ZBTB40: variants seen among roughly 807,000 people sequenced by gnomAD.
ZBTB40 encodes the protein zinc finger and BTB domain containing 40, also known as zinc finger and BTB domain-containing protein 40.
In ZBTB40, 60 loss-of-function variants were observed where a neutral mutation model predicts 117.5. The ratio of observed to expected loss-of-function variants is 0.51; its 90% CI spans 0.41 to 0.63. The LOEUF is 0.63. Ranked by LOEUF, ZBTB40 falls within the 30% of genes least tolerant of loss-of-function variation. ZBTB40 has a pLI of 0.00. For missense variants in ZBTB40, 1,287 were observed against 1,498.5 expected (o/e 0.86, Z 2.33); for synonymous variants, 525 against 577.1 (o/e 0.91, Z 1.29).
chr1:22,504,414 CATT>C (rs1267691587), intron 5 of ZBTB40, among the ~76,000 whole-genome samples: 2 of 152,092 alleles, frequency 1.3e-5, no homozygotes, highest in Non-Finnish European at 2.9e-5. Flanking sequence ...ACTTTTTAAA[CATT>C]ATTAAGTTTT....
intron 16 of ZBTB40, among the ~76,000 whole-genome samples, 182 bp downstream of exon 16, chr1:22,522,645 TG>T (rs1324694604): frequency 6.6e-5 from 10 of 152,230 alleles, no homozygotes; most frequent in Non-Finnish European, 1.3e-4. Context: ...CTGAAGGCCT[TG>T]GCATCAATAA....
intron 1 of ZBTB40, among the ~76,000 whole-genome samples, chr1:22,440,494 A>G (rs973070449): frequency 6.6e-6 from 1 of 152,180 alleles, no homozygotes; most frequent in Admixed American, 6.5e-5. Context: ...AAAACAAGTA[A>G]AACTTCTAAT....
chr1:22,455,373 A>C (rs1040116084), intron 1 of ZBTB40, among the ~76,000 whole-genome samples: 2 of 152,332 alleles, frequency 1.3e-5, no homozygotes, highest in African/African-American at 4.8e-5. Context: ...CATAAATGTA[A>C]GAAATTAGAA....
intron 1 of ZBTB40, among the ~76,000 whole-genome samples, chr1:22,440,525 T>G (rs946354789): frequency 6.6e-6 from 1 of 152,192 alleles, no homozygotes; most frequent in African/African-American, 2.4e-5. Flanking sequence ...ACAAAAGTGG[T>G]AAAAGTGGAG....
intron 1 of ZBTB40, among the ~76,000 whole-genome samples, chr1:22,431,809 T>TG (rs1640595189): frequency 1.3e-5 from 2 of 152,186 alleles, no homozygotes; most frequent in African/African-American, 4.8e-5. Context: ...TTAGGTTTTT[T>TG]AAAATTTGTA....
intron 16 of ZBTB40, among the ~76,000 whole-genome samples, chr1:22,523,382 T>C (rs893732981): frequency 2.0e-5 from 3 of 152,338 alleles, no homozygotes; most frequent in African/African-American, 7.2e-5. Context: ...ATTTTTATCA[T>C]GTCACTCACT....
upstream of ZBTB40, among the ~76,000 whole-genome samples, chr1:22,451,369 A>C (rs1476128693): frequency 6.6e-6 from 1 of 152,142 alleles, no homozygotes; most frequent in Non-Finnish European, 1.5e-5. Context: ...CTCCATTAGA[A>C]CTTTCCTTAG....
intron 12 of ZBTB40, among the ~76,000 whole-genome samples, chr1:22,515,794 G>T (rs1358091891): frequency 1.3e-5 from 2 of 152,188 alleles, no homozygotes; most frequent in African/African-American, 4.8e-5. Context: ...ATCTTTGGGG[G>T]CCATTATCCC....
chr1:22,501,338 T>C (rs1020868748), intron 3 of ZBTB40, among the ~76,000 whole-genome samples, 154 bp from the exon 4 acceptor site: 7 of 152,176 alleles, frequency 4.6e-5, no homozygotes, highest in African/African-American at 1.7e-4. Flanking sequence ...CAGGGCTTGT[T>C]GGAACTGCTG....
chr1:22,485,308 T>C (rs755899362), intron 1 of ZBTB40, among the ~76,000 whole-genome samples: 12 of 152,192 alleles, frequency 7.9e-5, no homozygotes, highest in Non-Finnish European at 1.8e-4. Flanking sequence ...TATTGTTGAT[T>C]CACCTACTTT....
At position 22,526,056 on chromosome 1, in the gene ZBTB40, C is replaced by T. The variant is rs890382274; in HGVS notation, c.3526-146C>T. On this transcript the variant is annotated intron_variant, in intron 17 of 17. Coordinates refer to ENST00000375647, the MANE Select transcript of ZBTB40 (RefSeq NM_014870.4). ...TCTTTTGCATCGCCAGTGGGTTAGA[C>T]TTGCCTCTTCCCATTAGGCACATGT... is the stretch of plus-strand genomic sequence containing the variant. 7.8e-6 allele frequency: 7 copies of T among 901,872 alleles called. No homozygotes were observed. The African/African-American group carries it at 9.8e-5, about 13-fold the overall frequency. 55.9% of individuals were successfully genotyped at this position (901,872 alleles called of 1,614,324 possible). A position where few individuals can be genotyped will look rare whatever the true frequency, so the allele number is the denominator to read the frequency against.
rs776117680 is a variant in ZBTB40 at position 22,522,493 on chromosome 1, C to G, written c.3298+30C>G. ...GTACCCCTGTCAGCATACTTCTAGG[C>G]TAGACTCGGGGCCTGAATCTCCCCT... On this transcript the variant is annotated intron_variant, in intron 16 of 17. Transcript: ENST00000375647. 12 of 1,609,712 alleles carry G rather than the reference C, an allele frequency of 7.5e-6. No individual in the cohort carries two copies. In the Admixed American group the frequency reaches 1.3e-4, roughly 18 times the overall value.
In ZBTB40 at chr1:22,511,875, G is replaced by C; in HGVS notation, c.2202G>C (p.Lys734Asn). ...EASASPDPAK[K>N]SFICKACDKS... ...CAGCCTCCCCAGACCCTGCCAAGAA[G>C]AGCTTCATCTGTAAGGCCTGCGACA... The change falls in exon 11 of 18, where the codon AAG becomes AAC. Residue 734 changes from lysine to asparagine, a missense_variant. Coordinates refer to ENST00000375647, the MANE Select transcript of ZBTB40 (RefSeq NM_014870.4). 1 of 1,614,216 alleles carries C rather than the reference G, an allele frequency of 6.2e-7. No individual in the cohort carries two copies. Among genetic ancestry groups the C allele is most frequent in the African/African-American group, 1.3e-5 (1 of 75,068 alleles).
chr1:22,450,411 T>C (rs948266955), upstream of ZBTB40, among the ~76,000 whole-genome samples: 1 of 152,200 alleles, frequency 6.6e-6, no homozygotes, highest in Non-Finnish European at 1.5e-5. Context: ...TTCCAGTTAC[T>C]ACAAAAGTGA....
rs113066855 is a variant in ZBTB40, at chr1:22,452,354, T to C, written c.-70+350T>C. ...CTCACTCCCCCTCCCTTCAGGTCCC[T>C]TCGCCGGGCGTCAGCGGACTATGGC... On this transcript the variant is annotated intron_variant, in intron 1 of 17. Transcript: ENST00000375647. Among the ~76,000 whole-genome samples, 698 of 152,354 alleles carry C rather than the reference T, an allele frequency of 4.6e-3. 7 individuals are homozygous for C. Among genetic ancestry groups the C allele is most frequent in the African/African-American group, 0.016 (656 of 41,588 alleles).
chr1:22,475,098 G>A (rs1569805656), intron 1 of ZBTB40, among the ~76,000 whole-genome samples: 1 of 152,162 alleles, frequency 6.6e-6, no homozygotes, highest in South Asian at 2.1e-4. Flanking sequence ...TTTCTCTCTT[G>A]GATATTGAAA....
At chr1:22,431,406 A>ATATATG (rs1208724392) in intron 1 of ZBTB40, among the ~76,000 whole-genome samples, 3 of 139,698 alleles carry the variant, frequency 2.1e-5, no homozygotes, top group Non-Finnish European at 3.0e-5. Flanking sequence ...ATATATATAT[A>ATATATG]TATGTATATA....
Position 22,526,557 on chromosome 1 carries a change from T to G in ZBTB40, c.*161T>G. 1 of 925,254 alleles carries G rather than the reference T, an allele frequency of 1.1e-6. No individual in the cohort carries two copies. The highest frequency in any genetic ancestry group is 1.7e-6 in the Non-Finnish European group (1 of 599,374). 57.3% of individuals were successfully genotyped at this position (925,254 alleles called of 1,614,324 possible). On this transcript the variant is annotated 3_prime_UTR_variant, in exon 18 of 18. Transcript: ENST00000375647. ...AGAAAACAGATGGAAGCTTCGTTGTTCTCATAGAACCAACAGCATCTGAGC... is the reference window on the plus strand; with the variant it reads ...AGAAAACAGATGGAAGCTTCGTTGTGCTCATAGAACCAACAGCATCTGAGC...
At chr1:22,431,266 T>A (rs1308766734) in intron 1 of ZBTB40, among the ~76,000 whole-genome samples, 4 of 146,316 alleles carry the variant, frequency 2.7e-5, no homozygotes, top group Non-Finnish European at 4.5e-5. Flanking sequence ...TTGTATATAT[T>A]GAATATATAC....
Sources: gnomAD v4.1 joint callset for allele counts (sites outside exome capture counted in the v4.1 genomes callset) on GRCh38, gnomAD v4.1.1 for gene constraint, MANE v1.5 for transcripts, NCBI Gene and HGNC (gene_info 2026-07-23, HGNC 2026-07-21) for gene names.